Variants in COL4A2 observed in about 807,000 individuals in gnomAD.
COL4A2 encodes collagen type IV alpha 2 chain.
COL4A2 carries 99 observed loss-of-function variants against 200.2 expected under a neutral mutation model. That is an observed-to-expected ratio of 0.49 (90% CI 0.42 to 0.58). The LOEUF (loss-of-function observed/expected upper bound fraction) is 0.58. Among genes scored for constraint, COL4A2 ranks in the 20% least tolerant of loss-of-function variants. The pLI, the probability that COL4A2 is intolerant of heterozygous loss-of-function variation, is 0.00. For missense variants in COL4A2, 1,950 were observed against 2,314.1 expected (o/e 0.84, Z 3.23); for synonymous variants, 897 against 900.6 (o/e 1.00, Z 0.07).
intron 4 of COL4A2, among the ~76,000 whole-genome samples, chr13:110,404,369 C>T (rs1341640122): frequency 2.6e-5 from 4 of 152,174 alleles, no homozygotes; most frequent in African/African-American, 7.2e-5. Context: ...ATATACTCAG[C>T]GAACATGCTG....
intron 4 of COL4A2, 98 bp downstream of exon 4, chr13:110,357,650 T>C: frequency 6.6e-7 from 1 of 1,505,860 alleles, no homozygotes; most frequent in Non-Finnish European, 9.0e-7. Context: ...GGCTGGGCAG[T>C]TTCATCATTG....
intron 10 of COL4A2, chr13:110,430,994 G>A (rs920160998): frequency 1.6e-5 from 7 of 424,360 alleles, no homozygotes; most frequent in Non-Finnish European, 3.3e-5. Context: ...CATGCTAGCA[G>A]GCATATCACA....
intron 3 of COL4A2, among the ~76,000 whole-genome samples, chr13:110,335,164 G>A (rs1876119450): frequency 6.6e-6 from 1 of 152,084 alleles, no homozygotes; most frequent in Admixed American, 6.6e-5. Flanking sequence ...TTGATCCTGT[G>A]GTTGGGAGTC....
At chr13:110,318,587 C>T (rs1293705802) in intron 3 of COL4A2, among the ~76,000 whole-genome samples, 1 of 152,168 alleles carries the variant, frequency 6.6e-6, no homozygotes. Flanking sequence ...GTCTTGGGTT[C>T]GAAACTGCTG....
intron 20 of COL4A2, among the ~76,000 whole-genome samples, chr13:110,455,637 C>G (rs1444329973): frequency 6.6e-6 from 1 of 152,188 alleles, no homozygotes; most frequent in Non-Finnish European, 1.5e-5. Flanking sequence ...CACAGCCTGG[C>G]ACAGCATAGG....
rs1008686492 is a variant in COL4A2, at chr13:110,500,291, G to A, written c.3761-1377G>A. On this transcript the variant is annotated intron_variant, in intron 40 of 47. Transcript: ENST00000360467. ...TCACTATTTCCTGCAGAGCAGAAGT[G>A]ATGCCCTCCTTGCCCACTTGGACAT... Among the ~76,000 whole-genome samples, 7 of 152,222 alleles carry A rather than the reference G, an allele frequency of 4.6e-5. 1 individual carries two copies. Among genetic ancestry groups the A allele is most frequent in the South Asian group, 2.1e-4 (1 of 4,830 alleles).
intron 21 of COL4A2, chr13:110,458,421 G>A (rs1193772314): frequency 3.2e-5 from 10 of 316,208 alleles, no homozygotes; most frequent in South Asian, 1.3e-4. Context: ...CCCTTGGCCC[G>A]CAGGCCCAGT....
intron 4 of COL4A2, among the ~76,000 whole-genome samples, chr13:110,403,180 C>T (rs561576165): frequency 1.3e-5 from 2 of 152,202 alleles, no homozygotes; most frequent in African/African-American, 4.8e-5. Flanking sequence ...GCTACAATCT[C>T]GATGTTCTCT....
chr13:110,334,753 G>A (rs534328142), intron 3 of COL4A2, among the ~76,000 whole-genome samples: 89 of 152,326 alleles, frequency 5.8e-4, no homozygotes, highest in African/African-American at 2.1e-3. Context: ...TTTATGCAGA[G>A]CATTTAGGAA....
intron 20 of COL4A2, among the ~76,000 whole-genome samples, chr13:110,456,178 G>A (rs879832659): frequency 2.6e-5 from 4 of 152,250 alleles, no homozygotes; most frequent in Non-Finnish European, 5.9e-5. Flanking sequence ...AGCCCTGCAG[G>A]AGCTAGTGGG....
intron 4 of COL4A2, among the ~76,000 whole-genome samples, chr13:110,389,697 G>A (rs1418880024): frequency 3.3e-5 from 5 of 152,182 alleles, no homozygotes; most frequent in African/African-American, 9.7e-5. Flanking sequence ...CCAGGACTGC[G>A]GCTCCAAGAG....
Position 110,512,150 on chromosome 13 carries a change from A to G in COL4A2, c.5098A>G (p.Thr1700Ala), listed in dbSNP as rs1884105496. ...ADTLKAGLIRTHISRCQVCMK... is the reference protein window; with the variant it reads ...ADTLKAGLIRAHISRCQVCMK... ...CACGCTCAAGGCCGGCCTCATCCGC[A>G]CACACATCAGCCGCTGCCAGGTGTG... The change falls in exon 48 of 48, where the codon ACA (threonine) becomes GCA (alanine). Residue 1700 changes from threonine (T) to alanine (A), a missense_variant. Physicochemically the swap from Thr to Ala is moderately conservative, Grantham distance 58. Around this residue, in one of 2 missense-constraint regions of COL4A2, gnomAD observed 1,385 missense variants for 1,720.5 expected, o/e 0.80. Transcript: ENST00000360467. 2.5e-6 allele frequency: 4 copies of G among 1,613,198 alleles called. No homozygotes were observed. The highest frequency in any genetic ancestry group is 3.4e-6 in the Non-Finnish European group (4 of 1,180,010).
At chr13:110,428,621 C>A in intron 7 of COL4A2, 38 bp downstream of exon 7, 1 of 1,231,898 alleles carries the variant, frequency 8.1e-7, no homozygotes, top group Non-Finnish European at 1.1e-6. Flanking sequence ...CAGGGACGGG[C>A]AGACCCCTGC....
chr13:110,460,844 C>T (rs7139621), intron 22 of COL4A2, among the ~76,000 whole-genome samples: 72,075 of 151,692 alleles, frequency 0.48, 17,785 homozygotes, highest in Middle Eastern at 0.56. Flanking sequence ...GTGTATTGAT[C>T]GATTGGGTCT....
chr13:110,417,732 G>A (rs1880097580), intron 4 of COL4A2, among the ~76,000 whole-genome samples: 1 of 152,118 alleles, frequency 6.6e-6, no homozygotes, highest in African/African-American at 2.4e-5. Flanking sequence ...TTTTGTGTCT[G>A]GCTTCCTTCA....
chr13:110,370,846 T>C (rs1430239600), intron 4 of COL4A2, among the ~76,000 whole-genome samples: 1 of 152,230 alleles, frequency 6.6e-6, no homozygotes, highest in African/African-American at 2.4e-5. Flanking sequence ...TAAATGCTAA[T>C]TCCTACTAGT....
At chr13:110,439,967 A>G (rs981570072) in intron 16 of COL4A2, 134 bp downstream of exon 16, 12 of 1,337,630 alleles carry the variant, frequency 9.0e-6, no homozygotes, top group East Asian at 2.6e-5. Flanking sequence ...TTGTATTTGC[A>G]GTCACAAAGA....
At chr13:110,330,059 T>A (rs192965533) in intron 3 of COL4A2, among the ~76,000 whole-genome samples, 1,711 of 152,292 alleles carry the variant, frequency 0.011, 43 homozygotes, top group African/African-American at 0.038. Context: ...ATTACTCTTC[T>A]GAAAATTTGG....
At chr13:110,382,127 A>G (rs1264642596) in intron 4 of COL4A2, among the ~76,000 whole-genome samples, 1 of 152,230 alleles carries the variant, frequency 6.6e-6, no homozygotes, top group Non-Finnish European at 1.5e-5. Flanking sequence ...AAGGATTTCC[A>G]TTCATCGAAT....
Sources: gnomAD v4.1 joint callset for allele counts (sites outside exome capture counted in the v4.1 genomes callset) on GRCh38, gnomAD v4.1.1 for gene constraint, gnomAD v4.1.1 regional missense constraint, MANE v1.5 for transcripts, NCBI Gene and HGNC (gene_info 2026-07-23, HGNC 2026-07-21) for gene names.